SLCO1B1: variants seen among roughly 807,000 people sequenced by gnomAD.
SLCO1B1 encodes the protein OATP-2.
A neutral mutation model predicts 70.1 loss-of-function variants in SLCO1B1; 81 were observed. That is an observed-to-expected ratio of 1.16 (90% CI 0.97 to 1.39). The LOEUF (loss-of-function observed/expected upper bound fraction) is 1.39, where lower values mean the gene tolerates loss of function less well. Ranked by LOEUF, SLCO1B1 falls within the 40% of genes most tolerant of loss-of-function variation. The probability of loss-of-function intolerance (pLI) is 0.00; values close to 1 mark genes in which losing one functional copy is unlikely to be tolerated. For synonymous variants in SLCO1B1, 283 were observed against 271.5 expected (o/e 1.04, Z -0.42); for missense variants, 895 against 799.6 (o/e 1.12, Z -1.44).
At chr12:21,222,156 T>TA in intron 12 of SLCO1B1, 144 bp from the exon 13 acceptor site, 1 of 269,978 alleles carries the variant, frequency 3.7e-6, no homozygotes, top group Non-Finnish European at 7.2e-6. Flanking sequence ...TTAAAACAAT[T>TA]AAAATATAAT....
chr12:21,175,729 C>T (rs1565673402), intron 4 of SLCO1B1, among the ~76,000 whole-genome samples: 1 of 152,058 alleles, frequency 6.6e-6, no homozygotes, highest in South Asian at 2.1e-4. Context: ...GTGTCTTCTT[C>T]ATCATGTCCA....
At chr12:21,162,984 G>A (rs1591804677) in intron 2 of SLCO1B1, among the ~76,000 whole-genome samples, 1 of 152,004 alleles carries the variant, frequency 6.6e-6, no homozygotes, top group African/African-American at 2.4e-5. Context: ...TTTTATCTAT[G>A]TTATCAAATA....
At chr12:21,147,761 A>G (rs1940408280) in intron 2 of SLCO1B1, among the ~76,000 whole-genome samples, 1 of 152,120 alleles carries the variant, frequency 6.6e-6, no homozygotes, top group African/African-American at 2.4e-5. Flanking sequence ...ATGTGTCTTT[A>G]TAGTAGAATG....
intron 13 of SLCO1B1, 35 bp downstream of exon 13, chr12:21,222,399 T>TAA (rs1941437088): frequency 4.7e-5 from 2 of 42,168 alleles, no homozygotes; most frequent in African/African-American, 1.1e-4. Flanking sequence ...AAAAAAAAAA[T>TAA]ATATATATAT....
intron 11 of SLCO1B1, among the ~76,000 whole-genome samples, chr12:21,213,818 T>G (rs1252754921): frequency 6.7e-6 from 1 of 149,998 alleles, no homozygotes; most frequent in Non-Finnish European, 1.5e-5. Flanking sequence ...ATTCATTTCA[T>G]CTTCCATTGC....
chr12:21,238,234 C>G (rs1275863143), intron 14 of SLCO1B1, among the ~76,000 whole-genome samples: 1 of 151,982 alleles, frequency 6.6e-6, no homozygotes, highest in Non-Finnish European at 1.5e-5. Flanking sequence ...TACTAATAAG[C>G]CCATCAAAGG....
intron 2 of SLCO1B1, among the ~76,000 whole-genome samples, chr12:21,155,067 T>C (rs1449131773): frequency 6.6e-6 from 1 of 151,140 alleles, no homozygotes; most frequent in African/African-American, 2.4e-5. Context: ...TTATCTCTTG[T>C]GTTGAGCATT....
chr12:21,161,521 T>C (rs1768697418), intron 2 of SLCO1B1, among the ~76,000 whole-genome samples: 1 of 150,976 alleles, frequency 6.6e-6, no homozygotes, highest in Non-Finnish European at 1.5e-5. Flanking sequence ...GGTTGGAGGG[T>C]GGAGGGTGGG....
In SLCO1B1 at chr12:21,141,502, C is replaced by T; in HGVS notation, c.-61-12C>T. 1.2e-6 allele frequency: 1 copy of T among 853,624 alleles called. No homozygotes were observed. Among genetic ancestry groups the T allele is most frequent in the Non-Finnish European group, 2.0e-6 (1 of 504,634 alleles). The allele number at this position is 853,624 out of a possible 1,614,324, so 52.9% of individuals were successfully genotyped here. A position where few individuals can be genotyped will look rare whatever the true frequency, so the allele number is the denominator to read the frequency against. On this transcript the variant is annotated splice_polypyrimidine_tract_variant and intron_variant, in intron 1 of 14. Transcript: ENST00000256958. ...AAAAATAAAATAAACTATACTTTTT[C>T]TTCCTTAATAGGTGATTGTTTCAAA...
intron 1 of SLCO1B1, among the ~76,000 whole-genome samples, chr12:21,134,847 G>A (rs554814558): frequency 2.0e-5 from 3 of 152,122 alleles, no homozygotes. Flanking sequence ...GTTCTGCTCT[G>A]ATGGTAGTTA....
chr12:21,152,271 G>C (rs1940481081), intron 2 of SLCO1B1, among the ~76,000 whole-genome samples: 1 of 151,564 alleles, frequency 6.6e-6, no homozygotes. Context: ...CTCTGTTCTT[G>C]TGTGCTTCTT....
At chr12:21,222,583 A>C (rs766008495) in intron 13 of SLCO1B1, among the ~76,000 whole-genome samples, 52 of 151,534 alleles carry the variant, frequency 3.4e-4, no homozygotes, top group Non-Finnish European at 6.5e-4. Flanking sequence ...AAATTGAGTG[A>C]TGGACCTAAA....
intron 2 of SLCO1B1, among the ~76,000 whole-genome samples, chr12:21,157,468 T>C (rs368986425): frequency 6.6e-6 from 1 of 152,142 alleles, no homozygotes. Context: ...ACTAAAACTA[T>C]GGAAACTGAG....
intron 1 of SLCO1B1, among the ~76,000 whole-genome samples, chr12:21,133,312 C>T (rs564394822): frequency 1.2e-4 from 18 of 152,140 alleles, no homozygotes; most frequent in Non-Finnish European, 2.2e-4. Context: ...ACTTGGTATG[C>T]GGGCTCTTTT....
chr12:21,136,749 C>A (rs951766938), intron 1 of SLCO1B1, among the ~76,000 whole-genome samples: 5 of 151,942 alleles, frequency 3.3e-5, no homozygotes, highest in African/African-American at 1.2e-4. Flanking sequence ...TTTTTCAAAG[C>A]TTTTAACTTC....
At chr12:21,162,074 A>G (rs1029857413) in intron 2 of SLCO1B1, among the ~76,000 whole-genome samples, 1 of 151,676 alleles carries the variant, frequency 6.6e-6, no homozygotes, top group Non-Finnish European at 1.5e-5. Context: ...TTCTAGGAAC[A>G]ATTTTTTAAA....
At chr12:21,209,466 C>CT (rs1565439662) in intron 11 of SLCO1B1, among the ~76,000 whole-genome samples, 6 of 152,162 alleles carry the variant, frequency 3.9e-5, no homozygotes, top group African/African-American at 1.2e-4. Flanking sequence ...CACTGTTGGA[C>CT]ATTTGGGTGG....
At chr12:21,180,124 T>A (rs1366908173) in intron 7 of SLCO1B1, among the ~76,000 whole-genome samples, 1 of 152,152 alleles carries the variant, frequency 6.6e-6, no homozygotes, top group Non-Finnish European at 1.5e-5. Context: ...TCCTTAGATA[T>A]CTTATTAGTA....
intron 14 of SLCO1B1, among the ~76,000 whole-genome samples, chr12:21,231,018 T>C (rs1366984136): frequency 2.4e-5 from 3 of 125,928 alleles, no homozygotes; most frequent in African/African-American, 9.1e-5. Context: ...TTCCCCTTCC[T>C]GTGTCCAAGT....
Sources: gnomAD v4.1 joint callset for allele counts (sites outside exome capture counted in the v4.1 genomes callset) on GRCh38, gnomAD v4.1.1 for gene constraint, MANE v1.5 for transcripts, NCBI Gene and HGNC (gene_info 2026-07-23, HGNC 2026-07-21) for gene names.